NCOR2: variants seen among roughly 807,000 people sequenced by gnomAD.
NCOR2 encodes nuclear receptor corepressor 2.
In NCOR2, 81 loss-of-function variants were observed where a neutral mutation model predicts 262.9. That is an observed-to-expected ratio of 0.31 (90% CI 0.26 to 0.37). NCOR2 has a LOEUF of 0.37. NCOR2 is among the 10% of genes least tolerant of loss of function. The pLI, the probability that NCOR2 is intolerant of heterozygous loss-of-function variation, is 1.00. For synonymous variants in NCOR2, 1,659 were observed against 1,559.3 expected (o/e 1.06, Z -1.51); for missense variants, 3,385 against 3,621.4 (o/e 0.93, Z 1.68).
At chr12:124,417,745 C>A (rs1319840995) in intron 13 of NCOR2, among the ~76,000 whole-genome samples, 1 of 152,218 alleles carries the variant, frequency 6.6e-6, no homozygotes, top group African/African-American at 2.4e-5. Flanking sequence ...CTAGAAAATT[C>A]CTGAATGCAC....
chr12:124,398,673 G>A (rs919405825), intron 15 of NCOR2, among the ~76,000 whole-genome samples: 1 of 152,174 alleles, frequency 6.6e-6, no homozygotes, highest in Non-Finnish European at 1.5e-5. Flanking sequence ...GTCCCATCAC[G>A]GCAGGATGCT....
At chr12:124,348,466 GCTGGCAGCCTGCAGGCC>G (rs2037130382) in intron 28 of NCOR2, 152 bp from the exon 31 acceptor site, 6 of 1,083,646 alleles carry the variant, frequency 5.5e-6, no homozygotes, top group Admixed American at 3.2e-5. Flanking sequence ...TCCAGAGGGA[GCTGGCAGCCTGCAGGCC>G]CTGGGGGCCT....
chr12:124,533,338 T>C (rs951272954), intron 1 of NCOR2, among the ~76,000 whole-genome samples: 1 of 152,036 alleles, frequency 6.6e-6, no homozygotes. Context: ...GGCAGGGCTG[T>C]TCCCTCAGCC....
intron 1 of NCOR2, among the ~76,000 whole-genome samples, chr12:124,554,984 T>C: frequency 6.6e-6 from 1 of 152,132 alleles, no homozygotes; most frequent in Admixed American, 6.5e-5. Context: ...GGACTGTCCC[T>C]GGTCACTCCT....
intron 1 of NCOR2, among the ~76,000 whole-genome samples, chr12:124,515,628 T>C (rs1166230000): frequency 1.4e-5 from 2 of 146,068 alleles, no homozygotes; most frequent in Non-Finnish European, 3.0e-5. Flanking sequence ...TGGGTGTGTG[T>C]GCACGACTGT....
intron 4 of NCOR2, among the ~76,000 whole-genome samples, chr12:124,470,984 G>A (rs368450856): frequency 3.9e-5 from 6 of 152,248 alleles, no homozygotes; most frequent in Non-Finnish European, 4.4e-5. Flanking sequence ...CTAACGGTGC[G>A]GTACCAGGCT....
chr12:124,334,651 G>C (rs1350288688), intron 40 of NCOR2, 34 bp from the exon 43 acceptor site: 1 of 1,183,838 alleles, frequency 8.4e-7, no homozygotes, highest in Non-Finnish European at 1.1e-6. Flanking sequence ...GAGTCAGGCA[G>C]CACTCTCCTG....
chr12:124,403,733 C>G lies in NCOR2; in HGVS notation c.1483-1172G>C, dbSNP rs567726960. Among the ~76,000 whole-genome samples, 85 of 152,284 alleles carry G rather than the reference C, an allele frequency of 5.6e-4. 2 individuals carry two copies. In the South Asian group the frequency reaches 0.017, roughly 31 times the overall value. ...AGAGAGACTCCCTTCTCTTGCCTTTCCTTCCTGCCAGGAACAGGTGCCTGA... is the reference window on the plus strand; with the variant it reads ...AGAGAGACTCCCTTCTCTTGCCTTTGCTTCCTGCCAGGAACAGGTGCCTGA... On this transcript the variant is annotated intron_variant, in intron 13 of 46. Coordinates refer to ENST00000405201, the Ensembl canonical transcript of NCOR2.
At chr12:124,340,719 G>A (rs766988402) in exon 35 of NCOR2, 6 of 1,545,556 alleles carry the variant, frequency 3.9e-6, no homozygotes, top group Middle Eastern at 1.7e-4. Flanking sequence ...ACGAGCACAG[G>A]CAGGTGTGGC....
intron 1 of NCOR2, among the ~76,000 whole-genome samples, chr12:124,505,317 CT>C (rs1457883586): frequency 1.3e-5 from 2 of 152,250 alleles, no homozygotes; most frequent in Non-Finnish European, 2.9e-5. Flanking sequence ...CCCGCTCCCC[CT>C]GCCACTCCCA....
chr12:124,543,872 G>A (rs917224430), intron 1 of NCOR2, among the ~76,000 whole-genome samples: 3 of 152,218 alleles, frequency 2.0e-5, no homozygotes, highest in African/African-American at 7.2e-5. Flanking sequence ...CACAGGCACC[G>A]ACAGCCCCTC....
At chr12:124,414,420 G>A (rs1053226316) in intron 13 of NCOR2, among the ~76,000 whole-genome samples, 3 of 152,154 alleles carry the variant, frequency 2.0e-5, no homozygotes, top group Non-Finnish European at 2.9e-5. Context: ...CATCGCCATC[G>A]CCACCATAGC....
rs1555297228 is a variant in NCOR2, at chr12:124,325,379, C to CCCCT, written c.*22_*23insAGGG. On this transcript the variant is annotated 3_prime_UTR_variant, in exon 47 of 47. Coordinates refer to ENST00000405201, the Ensembl canonical transcript of NCOR2. ...GTGGCTCGCTGGGACCTGACACCGC[C>CCCCT]CCCCCCCCCGCCCTGTTCTGAGTCA... The CCCCT allele has an allele frequency of 4.7e-5, 15 of 317,134 alleles. 2 individuals carry two copies. The highest frequency in any genetic ancestry group is 7.7e-5 in the Non-Finnish European group (15 of 194,306). 19.6% of individuals were successfully genotyped at this position (317,134 alleles called of 1,614,324 possible). A position where few individuals can be genotyped will look rare whatever the true frequency, so the allele number is the denominator to read the frequency against.
In NCOR2 at chr12:124,372,623, AGAAG is replaced by A. The variant is rs753220279; in HGVS notation, c.2219-17_2219-14del. 1.3e-6 allele frequency: 2 copies of A among 1,591,794 alleles called. No homozygotes were observed. Among genetic ancestry groups the A allele is most frequent in the Non-Finnish European group, 8.5e-7 (1 of 1,175,456 alleles). ...TTGTTGACAGTGGCTGTGCAGGGCG[AGAAG>A]GAAGAGGGGATGAGCAGGGTCTGGC... On this transcript the variant is annotated splice_polypyrimidine_tract_variant and intron_variant, in intron 19 of 46. Coordinates refer to ENST00000405201, the Ensembl canonical transcript of NCOR2.
At chr12:124,343,008 C>A (rs1423915563) in exon 33 of NCOR2, 3 of 1,610,368 alleles carry the variant, frequency 1.9e-6, no homozygotes, top group African/African-American at 1.3e-5. Flanking sequence ...CAATCACCTG[C>A]GTCCAGAGGG....
upstream of NCOR2, among the ~76,000 whole-genome samples, chr12:124,537,582 C>T (rs922565320): frequency 5.9e-5 from 9 of 152,262 alleles, no homozygotes; most frequent in African/African-American, 2.2e-4. Context: ...AAAATGCTGA[C>T]CCCACAGGAA....
exon 9 of NCOR2, chr12:124,430,727 G>A (rs780633770): frequency 5.0e-6 from 8 of 1,614,128 alleles, no homozygotes; most frequent in Non-Finnish European, 5.1e-6. Context: ...TTCTCGATGC[G>A]CTCCACCTTC....
At chr12:124,327,726 GGAAGGAGGA>G (rs958417503) in intron 44 of NCOR2, 93 bp from the exon 47 acceptor site, 17 of 847,224 alleles carry the variant, frequency 2.0e-5, no homozygotes, top group African/African-American at 1.9e-4. Flanking sequence ...AGAGAGAGAG[GGAAGGAGGA>G]GGAGGAGGAG....
At chr12:124,361,275 C>T (rs2038573265) in intron 22 of NCOR2, among the ~76,000 whole-genome samples, 1 of 152,182 alleles carries the variant, frequency 6.6e-6, no homozygotes, top group Admixed American at 6.5e-5. Flanking sequence ...ACCTTTGGAG[C>T]AGCCTGCCAG....
Sources: gnomAD v4.1 joint callset for allele counts (sites outside exome capture counted in the v4.1 genomes callset) on GRCh38, gnomAD v4.1.1 for gene constraint, MANE v1.5 for transcripts, NCBI Gene and HGNC (gene_info 2026-07-23, HGNC 2026-07-21) for gene names.